The following PLXNA4 variants were observed in gnomAD, a reference collection of about 807,000 sequenced individuals.
The protein encoded by PLXNA4 is plexin-A4.
PLXNA4 carries 44 observed loss-of-function variants against 191.8 expected under a neutral mutation model. The observed-to-expected ratio is 0.23, with a 90% CI of 0.18 to 0.29. The LOEUF (loss-of-function observed/expected upper bound fraction) is 0.29, where lower values mean the gene tolerates loss of function less well. Among genes scored for constraint, PLXNA4 ranks in the 10% least tolerant of loss-of-function variants. The pLI, the probability that PLXNA4 is intolerant of heterozygous loss-of-function variation, is 1.00. For missense variants in PLXNA4, 1,800 were observed against 2,488.8 expected (o/e 0.72, Z 5.89); for synonymous variants, 1,082 against 1,009.5 (o/e 1.07, Z -1.36).
intron 3 of PLXNA4, among the ~76,000 whole-genome samples, chr7:132,464,070 T>G (rs922961627): frequency 4.6e-5 from 7 of 152,226 alleles, no homozygotes; most frequent in African/African-American, 1.7e-4. Context: ...TGAATTGCAA[T>G]GTTACTAGGA....
rs1202564145 is a variant in PLXNA4 at position 132,529,630 on chromosome 7, G to T, written c.-86-20851C>A. 2.1e-5 allele frequency among the ~76,000 whole-genome samples: 3 copies of T among 143,964 alleles called. No homozygotes were observed. The East Asian group carries it at 5.9e-4, about 28-fold the overall frequency. 94.4% of individuals were successfully genotyped at this position (143,964 alleles called of 152,430 possible). Reference sequence around the variant, plus strand: ...TTCTTTTTTTTTTTTTTTTGAGACGGAGTCTTGCTCCGTCGCCCAGGCTGG... The same window carrying T: ...TTCTTTTTTTTTTTTTTTTGAGACGTAGTCTTGCTCCGTCGCCCAGGCTGG... On this transcript the variant is annotated intron_variant, in intron 1 of 31. Transcript: ENST00000321063.
chr7:132,255,575 GC>G (rs1799403712), intron 4 of PLXNA4, among the ~76,000 whole-genome samples: 2 of 152,186 alleles, frequency 1.3e-5, no homozygotes, highest in African/African-American at 4.8e-5. Flanking sequence ...GAATACTTCA[GC>G]CCTCAGTTAC....
At chr7:132,291,930 G>A (rs1384446195) in intron 4 of PLXNA4, among the ~76,000 whole-genome samples, 1 of 152,196 alleles carries the variant, frequency 6.6e-6, no homozygotes, top group Admixed American at 6.5e-5. Context: ...GAGTGGTTGG[G>A]ATTACAGGTG....
chr7:132,370,861 C>G (rs924840330), intron 3 of PLXNA4, among the ~76,000 whole-genome samples: 1 of 152,230 alleles, frequency 6.6e-6, no homozygotes, highest in Non-Finnish European at 1.5e-5. Context: ...TACCACGTCC[C>G]AGGAGTCGAC....
intron 22 of PLXNA4, among the ~76,000 whole-genome samples, chr7:132,165,767 A>G (rs993626145): frequency 6.6e-6 from 1 of 152,060 alleles, no homozygotes; most frequent in Non-Finnish European, 1.5e-5. Context: ...GGCAGGGAAT[A>G]GGAATAAAGG....
At position 132,322,184 on chromosome 7, in the gene PLXNA4, C is replaced by CTGTCTTTTTTTTTTTTTTTTTTT. The variant is rs376377991; in HGVS notation, c.1372-23963_1372-23962insAAAAAAAAAAAAAAAAAAAGACA. The stretch of plus-strand genomic sequence containing the variant: ...CTAGAGTTCAATTTCCCTAAAAGGG[C>CTGTCTTTTTTTTTTTTTTTTTTT]TTTTTTTTTTTTTTTTTTAACAGAG... On this transcript the variant is annotated intron_variant, in intron 3 of 31. Transcript: ENST00000321063. Among the ~76,000 whole-genome samples, 3 of 122,520 alleles carry CTGTCTTTTTTTTTTTTTTTTTTT rather than the reference C, an allele frequency of 2.4e-5. 1 individual carries two copies. The highest frequency in any genetic ancestry group is 9.0e-5 in the African/African-American group (3 of 33,284). The allele number at this position is 122,520 out of a possible 152,430, so 80.4% of individuals were successfully genotyped here. A position where few individuals can be genotyped will look rare whatever the true frequency, so the allele number is the denominator to read the frequency against.
At chr7:132,215,686 T>TG (rs755416092) in intron 9 of PLXNA4, among the ~76,000 whole-genome samples, 4 of 152,154 alleles carry the variant, frequency 2.6e-5, no homozygotes, top group Non-Finnish European at 5.9e-5. Context: ...CAACCATCAG[T>TG]GGGCAATGGT....
rs1196484529 is a variant in PLXNA4, at chr7:132,132,463, T to TTCTGCTCTGC, written c.5589+576_5589+585dup. Among the ~76,000 whole-genome samples, 120 of 65,568 alleles carry TTCTGCTCTGC rather than the reference T, an allele frequency of 1.8e-3. 4 individuals carry two copies. The highest frequency in any genetic ancestry group is 4.3e-3 in the South Asian group (7 of 1,610). The allele number at this position is 65,568 out of a possible 152,430, so 43.0% of individuals were successfully genotyped here. The stretch of plus-strand genomic sequence containing the variant: ...TTCTGTTCTGTTCTGTTCTGTTCTG[T>TTCTGCTCTGC]TCTGCTCTGCTCTGCTCTGCTCTGC... On this transcript the variant is annotated intron_variant, in intron 31 of 31. Transcript: ENST00000321063.
intron 4 of PLXNA4, among the ~76,000 whole-genome samples, chr7:132,273,586 A>G (rs1321641026): frequency 1.3e-5 from 2 of 152,144 alleles, no homozygotes; most frequent in Non-Finnish European, 2.9e-5. Context: ...TTCCGCTTAG[A>G]GGCAAAGAGG....
chr7:132,605,377 C>A (rs1312319176), intron 2 of PLXNA4, among the ~76,000 whole-genome samples: 2 of 152,054 alleles, frequency 1.3e-5, no homozygotes, highest in Non-Finnish European at 2.9e-5. Flanking sequence ...GAGAGGGGAT[C>A]CAGTGATAGA....
chr7:132,504,208 A>C (rs111267712), intron 2 of PLXNA4, among the ~76,000 whole-genome samples: 2,442 of 152,354 alleles, frequency 0.016, 72 homozygotes, highest in African/African-American at 0.056. Flanking sequence ...GTTCTACCCC[A>C]ACGGCCCAAG....
chr7:132,562,617 C>CTT (rs1801263288), intron 1 of PLXNA4, among the ~76,000 whole-genome samples: 1 of 121,848 alleles, frequency 8.2e-6, no homozygotes, highest in African/African-American at 3.5e-5. Flanking sequence ...CCTTCTCCTC[C>CTT]TCTTCCTCCT....
chr7:132,163,566 C>T (rs1796011630), intron 24 of PLXNA4, among the ~76,000 whole-genome samples: 1 of 152,116 alleles, frequency 6.6e-6, no homozygotes, highest in Non-Finnish European at 1.5e-5. Context: ...AGCCTTGGTG[C>T]CTCCTAGGGT....
chr7:132,361,758 A>C (rs1307125341), intron 3 of PLXNA4, among the ~76,000 whole-genome samples: 1 of 152,134 alleles, frequency 6.6e-6, no homozygotes, highest in Non-Finnish European at 1.5e-5. Flanking sequence ...GAATAAAAAG[A>C]TGTCTGAAAA....
intron 3 of PLXNA4, among the ~76,000 whole-genome samples, chr7:132,427,833 A>G (rs1795107192): frequency 6.6e-6 from 1 of 152,186 alleles, no homozygotes; most frequent in Non-Finnish European, 1.5e-5. Flanking sequence ...TTCCTTTGCA[A>G]ATGTTTTTGC....
At chr7:132,302,534 C>T (rs1340675615) in intron 3 of PLXNA4, among the ~76,000 whole-genome samples, 1 of 151,910 alleles carries the variant, frequency 6.6e-6, no homozygotes, top group Non-Finnish European at 1.5e-5. Context: ...ATCAGAGCCA[C>T]CATTTACTAC....
intron 3 of PLXNA4, among the ~76,000 whole-genome samples, chr7:132,438,797 T>C (rs1795576605): frequency 6.6e-6 from 1 of 152,212 alleles, no homozygotes; most frequent in Admixed American, 6.5e-5. Context: ...CTAATAGCTT[T>C]TTTTTTCAAT....
At chr7:132,502,411 C>T (rs1196853350) in intron 2 of PLXNA4, among the ~76,000 whole-genome samples, 1 of 152,194 alleles carries the variant, frequency 6.6e-6, no homozygotes, top group Non-Finnish European at 1.5e-5. Flanking sequence ...TGTGGGACTA[C>T]ACAGGGCTGG....
intron 1 of PLXNA4, among the ~76,000 whole-genome samples, chr7:132,561,809 C>T (rs1251356817): frequency 1.4e-5 from 2 of 138,752 alleles, no homozygotes; most frequent in African/African-American, 5.4e-5. Context: ...CCTTATCCTC[C>T]TCTTTCTCCT....
Sources: allele counts gnomAD v4.1 joint callset (sites outside exome capture counted in the v4.1 genomes callset), GRCh38; gene constraint gnomAD v4.1.1; transcripts MANE v1.5; gene names NCBI Gene and HGNC (gene_info 2026-07-23, HGNC 2026-07-21).